Variants in COLQ observed in about 807,000 individuals in gnomAD.
COLQ encodes the protein acetylcholinesterase collagenic tail peptide.
A neutral mutation model predicts 69.0 loss-of-function variants in COLQ; 48 were observed. The ratio of observed to expected loss-of-function variants is 0.70; its 90% CI spans 0.55 to 0.88. The LOEUF is 0.88. COLQ is among the 40% of genes least tolerant of loss of function. The pLI, the probability that COLQ is intolerant of heterozygous loss-of-function variation, is 0.00. For missense variants in COLQ, 618 were observed against 594.6 expected (o/e 1.04, Z -0.41); for synonymous variants, 217 against 211.2 (o/e 1.03, Z -0.24).
intron 1 of COLQ, chr3:15,499,019 A>AT: frequency 1.0e-5 from 10 of 980,280 alleles, no homozygotes; most frequent in Middle Eastern, 5.0e-4. Flanking sequence ...CCTCAAAGTC[A>AT]ACCCCCCACC....
intron 1 of COLQ, among the ~76,000 whole-genome samples, chr3:15,512,863 T>C (rs2063005923): frequency 1.3e-5 from 2 of 152,156 alleles, no homozygotes; most frequent in Admixed American, 1.3e-4. Context: ...ACCAACAGGG[T>C]AATTTGCCAA....
At chr3:15,452,205 T>A (rs776161895) in intron 16 of COLQ, among the ~76,000 whole-genome samples, 1 of 152,014 alleles carries the variant, frequency 6.6e-6, no homozygotes, top group Non-Finnish European at 1.5e-5. Context: ...TACCTGGGAT[T>A]ACAGGCACGT....
chr3:15,510,876 A>AAGGG (rs2062977193), intron 1 of COLQ, among the ~76,000 whole-genome samples: 2 of 151,290 alleles, frequency 1.3e-5, no homozygotes, highest in Admixed American at 1.3e-4. Context: ...GGAAGGAAGG[A>AAGGG]AGGAAGGAAA....
intron 12 of COLQ, among the ~76,000 whole-genome samples, chr3:15,463,120 AC>A (rs1208955701): frequency 1.3e-5 from 2 of 152,134 alleles, no homozygotes; most frequent in Non-Finnish European, 2.9e-5. Context: ...GAAGCTGCTG[AC>A]AGCTCCAGCC....
chr3:15,515,081 C>T (rs996051253), intron 1 of COLQ, among the ~76,000 whole-genome samples: 33 of 152,152 alleles, frequency 2.2e-4, no homozygotes, highest in Admixed American at 9.8e-4. Flanking sequence ...TCACAAACTC[C>T]GTCTCTGTCC....
chr3:15,474,109 G>A, intron 9 of COLQ, 74 bp from the exon 10 acceptor site: 1 of 1,607,840 alleles, frequency 6.2e-7, no homozygotes, highest in East Asian at 2.2e-5. Flanking sequence ...AGGCTTTGTT[G>A]GTCATTTTCA....
chr3:15,479,193 C>T (rs2062434662), intron 4 of COLQ, 145 bp downstream of exon 4: 2 of 1,113,580 alleles, frequency 1.8e-6, no homozygotes, highest in African/African-American at 1.5e-5. Flanking sequence ...GCTGCAGCAG[C>T]CCAGCCATCA....
intron 12 of COLQ, among the ~76,000 whole-genome samples, chr3:15,458,581 C>T (rs918058968): frequency 1.7e-4 from 26 of 152,212 alleles, no homozygotes; most frequent in Admixed American, 8.5e-4. Flanking sequence ...TTGCAGCAGC[C>T]GTGTTGCAAC....
intron 10 of COLQ, among the ~76,000 whole-genome samples, chr3:15,471,480 C>T (rs371329843): frequency 3.3e-5 from 5 of 152,310 alleles, no homozygotes; most frequent in South Asian, 2.1e-4. Flanking sequence ...GCCCACAGGG[C>T]GCTTCATTCC....
chr3:15,474,840 C>A (rs368377747), intron 8 of COLQ, 85 bp downstream of exon 8: 1 of 1,487,396 alleles, frequency 6.7e-7, no homozygotes, highest in Non-Finnish European at 9.4e-7. Flanking sequence ...TAAAGAGAGA[C>A]CTGGACCCAT....
intron 12 of COLQ, among the ~76,000 whole-genome samples, chr3:15,461,513 G>A (rs1163035992): frequency 6.6e-6 from 1 of 152,164 alleles, no homozygotes; most frequent in Non-Finnish European, 1.5e-5. Flanking sequence ...GCAGCCAGAG[G>A]ACCTGGCTCT....
At chr3:15,508,292 T>G (rs1416684159) in intron 1 of COLQ, among the ~76,000 whole-genome samples, 1 of 152,224 alleles carries the variant, frequency 6.6e-6, no homozygotes, top group Non-Finnish European at 1.5e-5. Flanking sequence ...CAACACATAT[T>G]GAGCACTATG....
At chr3:15,471,904 C>T (rs1456356352) in intron 10 of COLQ, among the ~76,000 whole-genome samples, 2 of 151,960 alleles carry the variant, frequency 1.3e-5, no homozygotes, top group African/African-American at 4.8e-5. Flanking sequence ...GCAGTTTTTC[C>T]CTGGCTGTTT....
At chr3:15,475,039 G>T in intron 7 of COLQ, 88 bp from the exon 8 acceptor site, 1 of 1,389,354 alleles carries the variant, frequency 7.2e-7, no homozygotes, top group Non-Finnish European at 1.0e-6. Flanking sequence ...TGAATGTGGT[G>T]GTAAGGTATG....
At chr3:15,461,754 A>AC (rs1390086543) in intron 12 of COLQ, among the ~76,000 whole-genome samples, 1 of 152,118 alleles carries the variant, frequency 6.6e-6, no homozygotes, top group South Asian at 2.1e-4. Context: ...GTAGGACTAG[A>AC]CCAGGGGAGT....
At chr3:15,452,302 G>A (rs919889916) in intron 16 of COLQ, among the ~76,000 whole-genome samples, 5 of 152,096 alleles carry the variant, frequency 3.3e-5, no homozygotes, top group Admixed American at 1.3e-4. Context: ...CTGAACCTCA[G>A]GTGACCTGCC....
At position 15,474,894 on chromosome 3, in the gene COLQ, C is replaced by T. The variant is rs185906278; in HGVS notation, c.555+31G>A. The T allele has an allele frequency of 1.3e-3, 2,154 of 1,613,222 alleles. 23 individuals are homozygous for T. Among genetic ancestry groups the T allele is most frequent in the South Asian group, 1.0e-3 (92 of 91,058 alleles). On this transcript the variant is annotated intron_variant, in intron 8 of 16. Coordinates refer to ENST00000383788, the MANE Select transcript of COLQ (RefSeq NM_005677.4). Reference sequence around the variant, plus strand: ...TCCAGAGCCAGTAGCCCAGACCAGGCTCTAGGACACCATCCAAGAAAAGCA... The same window carrying T: ...TCCAGAGCCAGTAGCCCAGACCAGGTTCTAGGACACCATCCAAGAAAAGCA...
intron 1 of COLQ, among the ~76,000 whole-genome samples, chr3:15,509,560 G>A (rs2062955978): frequency 6.6e-6 from 1 of 152,312 alleles, no homozygotes; most frequent in African/African-American, 2.4e-5. Flanking sequence ...TTGTTATCAG[G>A]TGTGAGCATC....
Position 15,455,973 on chromosome 3 carries a change from G to A in COLQ, c.1121C>T (p.Thr374Ile). The A allele has an allele frequency of 6.2e-7, 1 of 1,613,854 alleles. No individual in the cohort carries two copies. Among genetic ancestry groups the A allele is most frequent in the Non-Finnish European group, 8.5e-7 (1 of 1,179,906 alleles). The change falls in exon 15 of 17, where the codon ACC (threonine) becomes ATC (isoleucine). Residue 374 changes from threonine (T) to isoleucine (I), a missense_variant. Coordinates refer to ENST00000383788, the MANE Select transcript of COLQ (RefSeq NM_005677.4). ...PVDYTADQHG[T>I]CGDGLLQPGE... ...AGGCTGCAGGAGCCCATCCCCACAG[G>A]TGCCGTGCTGGTCTGCAGTGTAATC...
Sources: allele counts gnomAD v4.1 joint callset (sites outside exome capture counted in the v4.1 genomes callset), GRCh38; gene constraint gnomAD v4.1.1; transcripts MANE v1.5; gene names NCBI Gene and HGNC (gene_info 2026-07-23, HGNC 2026-07-21).